Variants in GALC observed in about 807,000 individuals in gnomAD.
GALC encodes galactocerebrosidase.
In GALC, 77 loss-of-function variants were observed where a neutral mutation model predicts 91.8. That is an observed-to-expected ratio of 0.84 (90% CI 0.70 to 1.01). The LOEUF is 1.01. GALC is among the 50% of genes least tolerant of loss of function. The pLI, the probability that GALC is intolerant of heterozygous loss-of-function variation, is 0.00. For synonymous variants in GALC, 357 were observed against 306.7 expected (o/e 1.16, Z -1.71); for missense variants, 882 against 855.9 (o/e 1.03, Z -0.38).
intron 14 of GALC, among the ~76,000 whole-genome samples, chr14:87,944,013 G>C (rs1032871911): frequency 6.6e-6 from 1 of 151,890 alleles, no homozygotes; most frequent in Non-Finnish European, 1.5e-5. Flanking sequence ...TTCTTGACAC[G>C]CAAAATTGCA....
At position 87,983,243 on chromosome 14, in the gene GALC, A is replaced by G. The variant is rs897402271; in HGVS notation, c.583-1000T>C. Among the ~76,000 whole-genome samples, 5 of 152,104 alleles carry G rather than the reference A, an allele frequency of 3.3e-5. 1 individual carries two copies. Among genetic ancestry groups the G allele is most frequent in the African/African-American group, 7.2e-5 (3 of 41,400 alleles). Reference sequence around the variant, plus strand: ...TAATCCCAGCTACTTGAGGCAGGAGAATCACTTGAACCCAGGAGGCAGAGG... The same window carrying G: ...TAATCCCAGCTACTTGAGGCAGGAGGATCACTTGAACCCAGGAGGCAGAGG... On this transcript the variant is annotated intron_variant, in intron 5 of 16. Transcript: ENST00000261304.
intron 10 of GALC, 124 bp downstream of exon 10, chr14:87,963,260 T>A: frequency 9.7e-7 from 1 of 1,027,970 alleles, no homozygotes; most frequent in Non-Finnish European, 1.5e-6. Context: ...ATGAAAGCCA[T>A]AAGATCTTGG....
chr14:87,967,409 T>C (rs1303383998), intron 8 of GALC, among the ~76,000 whole-genome samples: 1 of 152,154 alleles, frequency 6.6e-6, no homozygotes, highest in East Asian at 1.9e-4. Flanking sequence ...AATTAAGTTA[T>C]AACCAAACTC....
At chr14:87,963,733 T>C (rs1048035329) in intron 9 of GALC, among the ~76,000 whole-genome samples, 3 of 152,120 alleles carry the variant, frequency 2.0e-5, no homozygotes, top group Non-Finnish European at 4.4e-5. Flanking sequence ...TGGGTAAAAA[T>C]AAATGAACCT....
At chr14:87,971,573 C>G (rs892615483) in intron 7 of GALC, among the ~76,000 whole-genome samples, 2 of 152,022 alleles carry the variant, frequency 1.3e-5, no homozygotes, top group African/African-American at 4.8e-5. Flanking sequence ...ATTTACAAAG[C>G]AGAAAAACAT....
intron 6 of GALC, among the ~76,000 whole-genome samples, chr14:87,979,069 C>T (rs897313681): frequency 2.0e-5 from 3 of 151,842 alleles, no homozygotes; most frequent in African/African-American, 7.3e-5. Flanking sequence ...GAGACAGAGT[C>T]TCGCTCTTTT....
intron 14 of GALC, among the ~76,000 whole-genome samples, chr14:87,943,224 C>A (rs419458): frequency 0.96 from 145,603 of 152,118 alleles, 69,978 homozygotes; most frequent in Non-Finnish European, 1. Flanking sequence ...AAATTTGATC[C>A]AAGAGAGTTC....
intron 13 of GALC, among the ~76,000 whole-genome samples, chr14:87,947,005 G>A (rs1885099079): frequency 6.6e-6 from 1 of 151,930 alleles, no homozygotes; most frequent in Non-Finnish European, 1.5e-5. Flanking sequence ...TTCAAGTGAT[G>A]CTCCAGCAAT....
chr14:87,976,158 CTTGT>C (rs1886483392), intron 7 of GALC, among the ~76,000 whole-genome samples, 196 bp downstream of exon 7: 1 of 152,150 alleles, frequency 6.6e-6, no homozygotes, highest in Non-Finnish European at 1.5e-5. Context: ...GCTATCAATA[CTTGT>C]TTGTCATAGA....
chr14:87,987,404 T>C (rs1341981349), intron 3 of GALC, among the ~76,000 whole-genome samples: 1 of 152,236 alleles, frequency 6.6e-6, no homozygotes. Context: ...TAAAACGCAA[T>C]AGCTTGAAGA....
chr14:87,993,154 C>T lies in GALC; in HGVS notation c.11G>A (p.Trp4Ter). ...GCGTTGCCAGGAAGCCGAGAGTAGC[C>T]ACTCAGCCATTGTGTGGGTCACATG... is the stretch of plus-strand genomic sequence containing the variant. The part of the protein sequence containing the change: MAE[W>*]LLSASWQRRA... The change falls in exon 1 of 17, where the codon TGG becomes TAG. Residue 4 changes from tryptophan to a stop codon, truncating the protein, a stop_gained. Coordinates refer to ENST00000261304, the MANE Select transcript of GALC (RefSeq NM_000153.4). LOFTEE classifies it high-confidence loss of function. 6.3e-7 allele frequency: 1 copy of T among 1,591,368 alleles called. No individual in the cohort carries two copies. The highest frequency in any genetic ancestry group is 8.6e-7 in the Non-Finnish European group (1 of 1,169,372).
At chr14:87,952,392 G>T in intron 10 of GALC, 1 of 381,378 alleles carries the variant, frequency 2.6e-6, no homozygotes. Flanking sequence ...GCATAGAGAG[G>T]TTTAAGACTA....
At chr14:87,960,616 C>A (rs191438630) in intron 10 of GALC, among the ~76,000 whole-genome samples, 1 of 152,202 alleles carries the variant, frequency 6.6e-6, no homozygotes, top group Non-Finnish European at 1.5e-5. Flanking sequence ...GTGGTGCTCA[C>A]GTCAGGACAG....
At chr14:87,934,989 C>T in intron 16 of GALC, 111 bp from the exon 17 acceptor site, 1 of 764,334 alleles carries the variant, frequency 1.3e-6, no homozygotes, top group Non-Finnish European at 2.3e-6. Context: ...ACTACTCACT[C>T]AAGACTTAAC....
At chr14:87,992,358 C>A in intron 1 of GALC, 1 of 1,535,736 alleles carries the variant, frequency 6.5e-7, no homozygotes, top group Non-Finnish European at 8.7e-7. Flanking sequence ...CCGGTAGTTT[C>A]AGGCCGCTCG....
At chr14:87,936,215 G>A (rs1347150612) in intron 16 of GALC, among the ~76,000 whole-genome samples, 2 of 151,952 alleles carry the variant, frequency 1.3e-5, no homozygotes, top group Non-Finnish European at 2.9e-5. Context: ...ACTCAGTGAG[G>A]TCTTTCCTCA....
At chr14:87,957,013 T>G (rs1203815033) in intron 10 of GALC, among the ~76,000 whole-genome samples, 1 of 152,108 alleles carries the variant, frequency 6.6e-6, no homozygotes. Flanking sequence ...CTCTGATGAT[T>G]AGTGATGTTG....
At chr14:87,941,320 A>C in intron 15 of GALC, 75 bp downstream of exon 15, 1 of 964,950 alleles carries the variant, frequency 1.0e-6, no homozygotes. Context: ...TATCACTCCC[A>C]CAAATAACAA....
chr14:87,953,765 G>T (rs1319980177), intron 10 of GALC: 1 of 1,603,958 alleles, frequency 6.2e-7, no homozygotes. Context: ...GAATTTAAGG[G>T]TATTAAAAAA....
Sources: allele counts gnomAD v4.1 joint callset (sites outside exome capture counted in the v4.1 genomes callset), GRCh38; gene constraint gnomAD v4.1.1; transcripts MANE v1.5; gene names NCBI Gene and HGNC (gene_info 2026-07-23, HGNC 2026-07-21).